GAS7: variants seen among roughly 807,000 people sequenced by gnomAD.
GAS7 encodes the protein growth arrest-specific protein 7.
A neutral mutation model predicts 71.1 loss-of-function variants in GAS7; 28 were observed. The ratio of observed to expected loss-of-function variants is 0.39; its 90% CI spans 0.29 to 0.54. GAS7 has a LOEUF of 0.54. Ranked by LOEUF, GAS7 falls within the 20% of genes least tolerant of loss-of-function variation. The pLI is 0.62. For missense variants in GAS7, 436 were observed against 627.8 expected, an observed-to-expected ratio of 0.69 and a Z score of 3.27; for synonymous variants, 258 against 245.8, an observed-to-expected ratio of 1.05 and a Z score of -0.46.
chr17:10,151,211 C>T (rs762172084), intron 1 of GAS7, among the ~76,000 whole-genome samples: 18 of 152,062 alleles, frequency 1.2e-4, no homozygotes, highest in African/African-American at 2.7e-4. Context: ...TGCTCTGTTG[C>T]CCAAGCTGAT....
rs1555535277 is a variant in GAS7 at position 10,125,080 on chromosome 17, A to AG, written c.183+73127dup. On this transcript the variant is annotated intron_variant, in intron 1 of 13. Transcript: ENST00000432992. ...TTTTAATAGCAGTAAAAAAAAAAAA[A>AG]GGGGGGGTGTGGAAGAACCTCAGTG... Among the ~76,000 whole-genome samples the AG allele has an allele frequency of 3.5e-4, 53 of 149,738 alleles. 1 individual carries two copies. The highest frequency in any genetic ancestry group is 8.0e-4 in the Admixed American group (12 of 15,026).
At position 10,046,781 on chromosome 17, in the gene GAS7, AAAGAAAGGAAGGAAGGAAGG is replaced by A. The variant is rs1297342792; in HGVS notation, c.184-26904_184-26885del. ...AAAGAAAGAAAGAAGAGAAAGAAAG[AAAGAAAGGAAGGAAGGAAGG>A]AAGGAAGGAAGGAAGGAAGGAAGGA... On this transcript the variant is annotated intron_variant, in intron 1 of 13. Coordinates refer to ENST00000432992, the MANE Select transcript of GAS7 (RefSeq NM_201433.2). Among the ~76,000 whole-genome samples, 9 of 104,566 alleles carry A rather than the reference AAAGAAAGGAAGGAAGGAAGG, an allele frequency of 8.6e-5. 2 individuals carry two copies. The highest frequency in any genetic ancestry group is 5.6e-4 in the East Asian group (2 of 3,542). 68.6% of individuals were successfully genotyped at this position (104,566 alleles called of 152,430 possible).
intron 3 of GAS7, among the ~76,000 whole-genome samples, chr17:9,976,695 A>G (rs1387656408): frequency 6.6e-6 from 1 of 152,206 alleles, no homozygotes; most frequent in Non-Finnish European, 1.5e-5. Flanking sequence ...CCTAAGGATG[A>G]TCCCTCAGTG....
intron 1 of GAS7, among the ~76,000 whole-genome samples, chr17:10,025,720 C>T (rs1394654109): frequency 6.6e-6 from 1 of 152,094 alleles, no homozygotes; most frequent in African/African-American, 2.4e-5. Flanking sequence ...AGTTCAAGTG[C>T]ACACTCTGGG....
At chr17:10,039,960 C>T (rs945867192) in intron 1 of GAS7, among the ~76,000 whole-genome samples, 2 of 152,176 alleles carry the variant, frequency 1.3e-5, no homozygotes, top group African/African-American at 4.8e-5. Flanking sequence ...CCCATCTCTT[C>T]CTTCCTAAAG....
chr17:10,191,681 C>T (rs1351788883), intron 1 of GAS7, among the ~76,000 whole-genome samples: 1 of 150,426 alleles, frequency 6.6e-6, no homozygotes, highest in African/African-American at 2.5e-5. Flanking sequence ...TCGAGACCAG[C>T]CTGGCCAACC....
chr17:10,103,684 G>C lies in GAS7; in HGVS notation c.184-83787C>G, dbSNP rs1049482072. On this transcript the variant is annotated intron_variant, in intron 1 of 13. Transcript: ENST00000432992. This position sits in a 1 kb window ranked among gnomAD's most constrained non-coding sequence, Gnocchi z 5.5. The stretch of plus-strand genomic sequence containing the variant: ...CTACCAAAAATACAAAAATTAGCTG[G>C]GTGTGGTGGCACATGCCTGTAATCC... Among the ~76,000 whole-genome samples, 41 of 152,122 alleles carry C rather than the reference G, an allele frequency of 2.7e-4. No individual in the cohort carries two copies. The highest frequency in any genetic ancestry group is 9.9e-4 in the African/African-American group (41 of 41,498).
At chr17:10,163,110 A>G (rs1345454453) in intron 1 of GAS7, among the ~76,000 whole-genome samples, 1 of 152,160 alleles carries the variant, frequency 6.6e-6, no homozygotes, top group South Asian at 2.1e-4. Flanking sequence ...CAAAGAAAAA[A>G]AAATTATTTT....
At position 10,178,034 on chromosome 17, in the gene GAS7, C is replaced by A. The variant is rs111669779; in HGVS notation, c.183+20174G>T. 3.6e-3 allele frequency among the ~76,000 whole-genome samples: 541 copies of A among 152,156 alleles called. 5 individuals carry two copies. Among genetic ancestry groups the A allele is most frequent in the African/African-American group, 0.012 (505 of 41,506 alleles). On this transcript the variant is annotated intron_variant, in intron 1 of 13. Transcript: ENST00000432992. The stretch of plus-strand genomic sequence containing the variant: ...TGTCAGCATTTAGCATCACATAACA[C>A]TGGGTTTTCAAACTGGGTCCTACAG...
rs75294043 is a variant in GAS7, at chr17:10,180,175, T to C, written c.183+18033A>G. ...GGCCAACGTGAGGAAACCCCATCTC[T>C]ATTAAAAATACAAAAATTAGCCAGG... On this transcript the variant is annotated intron_variant, in intron 1 of 13. Coordinates refer to ENST00000432992, the MANE Select transcript of GAS7 (RefSeq NM_201433.2). 1.6e-4 allele frequency among the ~76,000 whole-genome samples: 25 copies of C among 152,096 alleles called. No individual in the cohort carries two copies. The East Asian group carries it at 4.8e-3, about 29-fold the overall frequency.
chr17:10,102,810 A>G (rs1057039952), intron 1 of GAS7, among the ~76,000 whole-genome samples: 1 of 151,230 alleles, frequency 6.6e-6, no homozygotes, highest in Non-Finnish European at 1.5e-5. Flanking sequence ...TCCAACATTG[A>G]CAAGACCCAT....
chr17:10,157,210 G>A (rs1179913317), intron 1 of GAS7, among the ~76,000 whole-genome samples: 1 of 152,252 alleles, frequency 6.6e-6, no homozygotes, highest in Non-Finnish European at 1.5e-5. Flanking sequence ...CAAACCCAGA[G>A]TCCTCAGCCT....
chr17:9,926,953 G>A lies in GAS7; in HGVS notation c.886-184C>T. The stretch of plus-strand genomic sequence containing the variant: ...TGGCTGCCTATCAGGTCTCAGCTTA[G>A]GCAGGTCACCTTAGCTCAGGAGGCC... On this transcript the variant is annotated intron_variant, in intron 9 of 13. Coordinates refer to ENST00000432992, the MANE Select transcript of GAS7 (RefSeq NM_201433.2). The surrounding 1 kb of genome is among the most constrained non-coding windows in gnomAD (Gnocchi z 5.0). 1.6e-6 allele frequency: 1 copy of A among 618,568 alleles called. No individual in the cohort carries two copies. The allele number at this position is 618,568 out of a possible 1,614,324, so 38.3% of individuals were successfully genotyped here.
chr17:10,040,097 C>T (rs747506745), intron 1 of GAS7, among the ~76,000 whole-genome samples: 8 of 152,204 alleles, frequency 5.3e-5, no homozygotes, highest in Non-Finnish European at 1.2e-4. Flanking sequence ...TTCTATGCTT[C>T]ACATGTTTCA....
At chr17:10,054,505 G>A (rs2073108919) in intron 1 of GAS7, among the ~76,000 whole-genome samples, 1 of 152,176 alleles carries the variant, frequency 6.6e-6, no homozygotes, top group Non-Finnish European at 1.5e-5. Flanking sequence ...ACATTTTTAA[G>A]TGAAACCATG....
At chr17:9,957,589 C>T (rs1415401101) in intron 5 of GAS7, among the ~76,000 whole-genome samples, 1 of 144,406 alleles carries the variant, frequency 6.9e-6, no homozygotes, top group African/African-American at 2.5e-5. Context: ...CCCCCTTTCT[C>T]CTCCCCCTCC....
In GAS7 at chr17:9,979,862, T is replaced by A. The variant is rs867307637; in HGVS notation, c.385+1942A>T. On this transcript the variant is annotated intron_variant, in intron 3 of 13. Coordinates refer to ENST00000432992, the MANE Select transcript of GAS7 (RefSeq NM_201433.2). ...ATTCGCACTGGCATTTTGATTGTTTTAAAAAAAAAAAAAAACACAAGAACA... is the reference window on the plus strand; with the variant it reads ...ATTCGCACTGGCATTTTGATTGTTTAAAAAAAAAAAAAAAACACAAGAACA... Among the ~76,000 whole-genome samples, 742 of 141,220 alleles carry A rather than the reference T, an allele frequency of 5.3e-3. 9 individuals carry two copies. Among genetic ancestry groups the A allele is most frequent in the African/African-American group, 0.017 (642 of 38,314 alleles). The allele number at this position is 141,220 out of a possible 152,430, so 92.6% of individuals were successfully genotyped here.
chr17:10,002,082 G>A (rs2071289833), intron 2 of GAS7, among the ~76,000 whole-genome samples: 2 of 151,468 alleles, frequency 1.3e-5, no homozygotes, highest in Admixed American at 6.5e-5. Flanking sequence ...TGGGGCGGGG[G>A]AAGTGTGTCA....
chr17:9,984,808 A>G (rs571223674), intron 2 of GAS7, among the ~76,000 whole-genome samples: 2 of 152,346 alleles, frequency 1.3e-5, no homozygotes, highest in Admixed American at 6.5e-5. Context: ...CACTAAATAA[A>G]ACAGACAGAC....
Sources: allele counts gnomAD v4.1 joint callset (sites outside exome capture counted in the v4.1 genomes callset), GRCh38; gene constraint gnomAD v4.1.1; non-coding constraint Gnocchi (gnomAD v3.1); transcripts MANE v1.5; gene names NCBI Gene and HGNC (gene_info 2026-07-23, HGNC 2026-07-21).